Variants in SETDB2 observed in about 807,000 individuals in gnomAD.
SETDB2 encodes the protein SET domain bifurcated histone lysine methyltransferase 2.
A neutral mutation model predicts 82.5 loss-of-function variants in SETDB2; 56 were observed. The ratio of observed to expected loss-of-function variants is 0.68; its 90% CI spans 0.55 to 0.85. SETDB2 has a LOEUF of 0.85. Ranked by LOEUF, SETDB2 falls within the 40% of genes least tolerant of loss-of-function variation. SETDB2 has a pLI of 0.00. For synonymous variants in SETDB2, 272 were observed against 284.9 expected (o/e 0.95, Z 0.46); for missense variants, 677 against 816.4 (o/e 0.83, Z 2.08).
chr13:49,458,537 C>G (rs1957935043), intron 2 of SETDB2, among the ~76,000 whole-genome samples: 1 of 152,238 alleles, frequency 6.6e-6, no homozygotes. Context: ...TCTTCCACCT[C>G]AGTCTCTATA....
chr13:49,451,664 T>G lies in SETDB2; in HGVS notation c.-230T>G. Reference sequence around the variant, plus strand: ...ATTTACGTGAGAAGATTCATGGACTTGTCTTTTGGTTGGACTGTCACTCAT... The same window carrying G: ...ATTTACGTGAGAAGATTCATGGACTGGTCTTTTGGTTGGACTGTCACTCAT... On this transcript the variant is annotated 5_prime_UTR_variant, in exon 2 of 14. Coordinates refer to ENST00000611815, the MANE Select transcript of SETDB2 (RefSeq NM_001160308.3). The G allele has an allele frequency of 2.7e-6, 1 of 370,736 alleles. No homozygotes were observed. The allele number at this position is 370,736 out of a possible 1,614,324, so 23.0% of individuals were successfully genotyped here.
chr13:49,456,096 T>C (rs1227030511), intron 2 of SETDB2, among the ~76,000 whole-genome samples: 1 of 152,130 alleles, frequency 6.6e-6, no homozygotes, highest in African/African-American at 2.4e-5. Context: ...AAATAGTTTG[T>C]CCTTGTGTAT....
At chr13:49,456,648 C>T (rs189715681) in intron 2 of SETDB2, among the ~76,000 whole-genome samples, 1 of 152,230 alleles carries the variant, frequency 6.6e-6, no homozygotes, top group African/African-American at 2.4e-5. Context: ...GCTGAGCATG[C>T]ATACAATGCC....
intron 12 of SETDB2, 77 bp downstream of exon 12, chr13:49,488,707 T>C (rs564773550): frequency 3.4e-6 from 4 of 1,193,054 alleles, no homozygotes; most frequent in African/African-American, 3.1e-5. Flanking sequence ...ATGAGGAAAA[T>C]AAACAGACTC....
chr13:49,483,113 A>T (rs1958511544), intron 9 of SETDB2, 151 bp downstream of exon 9: 1 of 600,272 alleles, frequency 1.7e-6, no homozygotes, highest in Non-Finnish European at 2.9e-6. Context: ...AATCCAGGAC[A>T]TGTAAAAATC....
chr13:49,478,400 T>A (rs1253027252), intron 6 of SETDB2, among the ~76,000 whole-genome samples: 1 of 152,164 alleles, frequency 6.6e-6, no homozygotes, highest in Non-Finnish European at 1.5e-5. Flanking sequence ...TGTTAACAGC[T>A]GTAAAACCAA....
At chr13:49,469,093 C>G (rs1441941619) in intron 5 of SETDB2, among the ~76,000 whole-genome samples, 1 of 152,050 alleles carries the variant, frequency 6.6e-6, no homozygotes, top group Non-Finnish European at 1.5e-5. Flanking sequence ...GCTTTAAGTT[C>G]ATTATACCAG....
chr13:49,475,481 C>T (rs1469221879), intron 5 of SETDB2, among the ~76,000 whole-genome samples: 1 of 151,312 alleles, frequency 6.6e-6, no homozygotes, highest in East Asian at 1.9e-4. Context: ...CAAAAGGAAG[C>T]TTTTCACGGA....
At position 49,491,907 on chromosome 13, in the gene SETDB2, C is replaced by A; in HGVS notation, c.*58C>A. 1 of 1,190,650 alleles carries A rather than the reference C, an allele frequency of 8.4e-7. No homozygotes were observed. The highest frequency in any genetic ancestry group is 1.3e-6 in the Non-Finnish European group (1 of 797,396). 73.8% of individuals were successfully genotyped at this position (1,190,650 alleles called of 1,614,324 possible). On this transcript the variant is annotated 3_prime_UTR_variant, in exon 14 of 14. Coordinates refer to ENST00000611815, the MANE Select transcript of SETDB2 (RefSeq NM_001160308.3). ...TTATCAGGCTGAAATTAAAGCCATGCAAAAGAAGGTCTAGGTCCATCAAGG... is the reference window on the plus strand; with the variant it reads ...TTATCAGGCTGAAATTAAAGCCATGAAAAAGAAGGTCTAGGTCCATCAAGG...
chr13:49,484,272 G>A (rs1214676555), intron 10 of SETDB2, among the ~76,000 whole-genome samples: 2 of 151,898 alleles, frequency 1.3e-5, no homozygotes, highest in Non-Finnish European at 2.9e-5. Context: ...TTTGTTTTTT[G>A]TTTTGTTTTG....
chr13:49,458,091 A>T (rs188562969), intron 2 of SETDB2, among the ~76,000 whole-genome samples: 7 of 152,340 alleles, frequency 4.6e-5, no homozygotes, highest in Non-Finnish European at 8.8e-5. Context: ...CTGCTTCACA[A>T]AATATTTTCC....
intron 1 of SETDB2, among the ~76,000 whole-genome samples, chr13:49,450,660 A>T (rs141771035): frequency 9.5e-4 from 144 of 152,052 alleles, no homozygotes; most frequent in Non-Finnish European, 1.3e-3. Context: ...GCCCTTAGAG[A>T]GTTCCCTTTT....
At chr13:49,471,913 CATAT>C (rs1232849321) in intron 5 of SETDB2, among the ~76,000 whole-genome samples, 17 of 107,720 alleles carry the variant, frequency 1.6e-4, no homozygotes, top group South Asian at 3.4e-4. Flanking sequence ...TCTCATGTGA[CATAT>C]ATATATATAT....
chr13:49,464,083 C>T (rs1958053089), intron 4 of SETDB2: 1 of 772,844 alleles, frequency 1.3e-6, no homozygotes, highest in Admixed American at 1.7e-5. Context: ...CATTATACCA[C>T]CCTAATAGGT....
intron 1 of SETDB2, chr13:49,445,936 CAAAAA>C: frequency 7.7e-6 from 1 of 129,624 alleles, no homozygotes; most frequent in South Asian, 2.3e-4. Context: ...GACTCCGTCT[CAAAAA>C]AAAAAAAAAA....
chr13:49,490,202 C>T lies in SETDB2; in HGVS notation c.1918-620C>T, dbSNP rs1478818312. 2.1e-5 allele frequency among the ~76,000 whole-genome samples: 3 copies of T among 140,460 alleles called. No individual in the cohort carries two copies. In the East Asian group the frequency reaches 6.3e-4, roughly 30 times the overall value. 92.1% of individuals were successfully genotyped at this position (140,460 alleles called of 152,430 possible). On this transcript the variant is annotated intron_variant, in intron 12 of 13. Coordinates refer to ENST00000611815, the MANE Select transcript of SETDB2 (RefSeq NM_001160308.3). ...GGCTGAGGCATGAGAATCACTTGAACCCAGGAGGCGGAGGTTGCAGTGAGC... is the reference window on the plus strand; with the variant it reads ...GGCTGAGGCATGAGAATCACTTGAATCCAGGAGGCGGAGGTTGCAGTGAGC...
Position 49,476,565 on chromosome 13 carries a change from G to C in SETDB2, c.395G>C (p.Ser132Thr). 2.5e-6 allele frequency: 4 copies of C among 1,614,134 alleles called. No individual in the cohort carries two copies. Among genetic ancestry groups the C allele is most frequent in the Non-Finnish European group, 3.4e-6 (4 of 1,180,004 alleles). ...TCATCTTCGAATTTATCTTACCAAAGTCATGACTGCTCTGGTGCTTGTCTG... is the reference window on the plus strand; with the variant it reads ...TCATCTTCGAATTTATCTTACCAAACTCATGACTGCTCTGGTGCTTGTCTG... ...KDSSSNLSYQ[S>T]HDCSGACLMK... Residue 132 changes from serine (S) to threonine (T), a missense_variant, in exon 6 of 14, where the codon AGT becomes ACT. By Grantham distance (58) the Ser-to-Thr change is moderately conservative. Transcript: ENST00000611815.
chr13:49,480,815 GA>G, intron 7 of SETDB2, 131 bp from the exon 8 acceptor site: 1 of 808,086 alleles, frequency 1.2e-6, no homozygotes. Flanking sequence ...GCTGTGATGG[GA>G]ACCCAGGCAC....
intron 8 of SETDB2, 70 bp downstream of exon 8, chr13:49,481,186 C>A: frequency 6.8e-7 from 1 of 1,467,648 alleles, no homozygotes; most frequent in Non-Finnish European, 9.3e-7. Flanking sequence ...ATTTTCCTAG[C>A]CAGGGCTGTT....
Sources: gnomAD v4.1 joint callset for allele counts (sites outside exome capture counted in the v4.1 genomes callset) on GRCh38, gnomAD v4.1.1 for gene constraint, MANE v1.5 for transcripts, NCBI Gene and HGNC (gene_info 2026-07-23, HGNC 2026-07-21) for gene names.